The following SH2D7 variants were observed in gnomAD, a reference collection of about 807,000 sequenced individuals.
SH2D7 encodes SH2 domain containing 7.
A neutral mutation model predicts 40.8 loss-of-function variants in SH2D7; 32 were observed. The observed-to-expected ratio is 0.78, with a 90% confidence interval of 0.59 to 1.05. The LOEUF (loss-of-function observed/expected upper bound fraction) is 1.05. SH2D7 is among the 50% of genes least tolerant of loss of function. The pLI is 0.00. For missense variants in SH2D7, 559 were observed against 566.6 expected (o/e 0.99, Z 0.14); for synonymous variants, 195 against 221.5 (o/e 0.88, Z 1.06).
intron 1 of SH2D7, among the ~76,000 whole-genome samples, chr15:78,093,332 G>A (rs2073950913): frequency 6.6e-6 from 1 of 152,220 alleles, no homozygotes; most frequent in Non-Finnish European, 1.5e-5. Context: ...GCAGCACAGG[G>A]TCAAAAGGGC....
At chr15:78,090,602 G>C (rs1329043576), upstream of SH2D7, among the ~76,000 whole-genome samples, 1 of 149,544 alleles carries the variant, frequency 6.7e-6, no homozygotes, top group Admixed American at 6.8e-5. Context: ...CAGACCTTCT[G>C]TATTTCAGAA....
chr15:78,093,516 C>T (rs748479197), intron 1 of SH2D7, among the ~76,000 whole-genome samples: 21 of 152,248 alleles, frequency 1.4e-4, no homozygotes, highest in Non-Finnish European at 2.5e-4. Flanking sequence ...GGTCTGTGTA[C>T]TGCCAAACCA....
chr15:78,101,677 C>A, intron 5 of SH2D7, 119 bp downstream of exon 5: 1 of 1,182,128 alleles, frequency 8.5e-7, no homozygotes, highest in Non-Finnish European at 1.1e-6. Flanking sequence ...TGGAAGTACA[C>A]AGAATTTTCC....
chr15:78,098,234 T>C (rs2073986918), intron 3 of SH2D7, 140 bp downstream of exon 3: 2 of 1,401,006 alleles, frequency 1.4e-6, no homozygotes, highest in Non-Finnish European at 9.6e-7. Context: ...TCATGATCCC[T>C]ATTGGAAAAA....
At chr15:78,100,786 C>T in intron 4 of SH2D7, 113 bp from the exon 5 acceptor site, 1 of 1,158,896 alleles carries the variant, frequency 8.6e-7, no homozygotes, top group Non-Finnish European at 1.2e-6. Flanking sequence ...CATGTACGGG[C>T]AGGAGGACTA....
chr15:78,093,475 GGTGA>G (rs1284429399), intron 1 of SH2D7, among the ~76,000 whole-genome samples: 30 of 152,362 alleles, frequency 2.0e-4, no homozygotes, highest in Admixed American at 1.9e-3. Context: ...CTCGGTATTT[GGTGA>G]GTAAGTGAGT....
At chr15:78,099,163 C>T (rs1269508010) in intron 4 of SH2D7, among the ~76,000 whole-genome samples, 1 of 152,028 alleles carries the variant, frequency 6.6e-6, no homozygotes, top group Non-Finnish European at 1.5e-5. Flanking sequence ...ATTACAGGCA[C>T]CTGCCACCAC....
rs2074015720 is a variant in SH2D7, at chr15:78,101,422, C to T, written c.1169C>T (p.Pro390Leu). 2 of 1,613,406 alleles carry T rather than the reference C, an allele frequency of 1.2e-6. No homozygotes were observed. The highest frequency in any genetic ancestry group is 1.7e-6 in the Non-Finnish European group (2 of 1,179,670). The stretch of plus-strand genomic sequence containing the variant: ...GGTGGCCCAGCCAGGGCCCCACATC[C>T]TGGGGCCAGTCCCACATATAGCCCA... ...CWGGPARAPH[P>L]GASPTYSPWV... The change falls in exon 5 of 6, where the codon CCT becomes CTT. Residue 390 changes from proline to leucine, a missense_variant. Physicochemically the swap from Pro to Leu is moderately conservative, Grantham distance 98 (BLOSUM62 -3). Coordinates refer to ENST00000328828, the MANE Select transcript of SH2D7 (RefSeq NM_001101404.2).
At position 78,101,533 on chromosome 15, in the gene SH2D7, G is replaced by A. The variant is rs376103989; in HGVS notation, c.1280G>A (p.Ser427Asn). Residue 427 changes from serine (S) to asparagine (N), a missense_variant, in exon 5 of 6, where the codon AGC (serine) becomes AAC (asparagine). Transcript: ENST00000328828. Reference sequence around the variant, plus strand: ...TATGAACAGATCCCAGCAACCAAGAGCAAGGAGACTGGACGGACACACAAG... The same window carrying A: ...TATGAACAGATCCCAGCAACCAAGAACAAGGAGACTGGACGGACACACAAG... ...NTYEQIPATK[S>N]KETGRTHKPD... is the part of the protein sequence containing the mutation. 7.5e-6 allele frequency: 12 copies of A among 1,600,400 alleles called. No individual in the cohort carries two copies. The highest frequency in any genetic ancestry group is 9.4e-6 in the Non-Finnish European group (11 of 1,174,274).
At chr15:78,092,450 A>C (rs1176651361), upstream of SH2D7, 9 of 973,406 alleles carry the variant, frequency 9.2e-6, no homozygotes, top group Non-Finnish European at 1.3e-5. Flanking sequence ...CCACCAGCCC[A>C]GAGGTGACAA....
At chr15:78,102,172 G>A (rs1441687706) in intron 5 of SH2D7, among the ~76,000 whole-genome samples, 1 of 152,060 alleles carries the variant, frequency 6.6e-6, no homozygotes, top group Admixed American at 6.5e-5. Flanking sequence ...GCTTGAACCT[G>A]GGAGGTTAAA....
chr15:78,100,991 G>A lies in SH2D7; in HGVS notation c.738G>A (p.Leu246=), dbSNP rs771602012. ...GGPSDIIYAD[L]RRMNQARLGL... Reference sequence around the variant, plus strand: ...CCAGTGACATCATCTATGCAGACCTGAGGAGGATGAACCAGGCACGGCTAG... The same window carrying A: ...CCAGTGACATCATCTATGCAGACCTAAGGAGGATGAACCAGGCACGGCTAG... Residue 246 remains leucine, a synonymous_variant, in exon 5 of 6, where the codon CTG becomes CTA. Coordinates refer to ENST00000328828, the MANE Select transcript of SH2D7 (RefSeq NM_001101404.2). 6.2e-6 allele frequency: 10 copies of A among 1,613,888 alleles called. No homozygotes were observed. The highest frequency in any genetic ancestry group is 8.5e-6 in the Non-Finnish European group (10 of 1,179,884).
chr15:78,093,712 T>C (rs887522995), intron 1 of SH2D7, among the ~76,000 whole-genome samples: 3 of 152,222 alleles, frequency 2.0e-5, no homozygotes, highest in African/African-American at 7.2e-5. Context: ...CTGTACACAG[T>C]GGTTCTGAGG....
At chr15:78,097,748 G>A (rs2073982121) in intron 2 of SH2D7, among the ~76,000 whole-genome samples, 181 bp from the exon 3 acceptor site, 1 of 152,156 alleles carries the variant, frequency 6.6e-6, no homozygotes, top group East Asian at 1.9e-4. Context: ...AAACCTCTCC[G>A]TAGCTTCCTG....
At chr15:78,099,296 A>C (rs1465536135) in intron 4 of SH2D7, among the ~76,000 whole-genome samples, 1 of 151,430 alleles carries the variant, frequency 6.6e-6, no homozygotes, top group East Asian at 1.9e-4. Flanking sequence ...TACAGGCATG[A>C]GCCACTGTGC....
chr15:78,096,368 G>A (rs1029286976), intron 2 of SH2D7, among the ~76,000 whole-genome samples: 1 of 152,022 alleles, frequency 6.6e-6, no homozygotes, highest in African/African-American at 2.4e-5. Flanking sequence ...AAACCCAGAA[G>A]GCCCATAAGC....
chr15:78,101,400 G>C lies in SH2D7; in HGVS notation c.1147G>C (p.Gly383Arg). The change falls in exon 5 of 6, where the codon GGC becomes CGC. Residue 383 changes from glycine to arginine, a missense_variant. Coordinates refer to ENST00000328828, the MANE Select transcript of SH2D7 (RefSeq NM_001101404.2). ...TGAGCAGATCCCAGCTTGCTGGGGT[G>C]GCCCAGCCAGGGCCCCACATCCTGG... is the stretch of plus-strand genomic sequence containing the variant. Reference protein sequence around the residue: ...TYEQIPACWGGPARAPHPGAS... With the variant: ...TYEQIPACWGRPARAPHPGAS... The C allele has an allele frequency of 6.2e-7, 1 of 1,613,464 alleles. No homozygotes were observed. Among genetic ancestry groups the C allele is most frequent in the Non-Finnish European group, 8.5e-7 (1 of 1,179,704 alleles).
chr15:78,102,994 T>C (rs955557065), intron 5 of SH2D7, among the ~76,000 whole-genome samples: 1 of 151,928 alleles, frequency 6.6e-6, no homozygotes, highest in Non-Finnish European at 1.5e-5. Flanking sequence ...GCCTTTGAGA[T>C]CCTCACTCTC....
At chr15:78,101,914 A>G (rs1291759568) in intron 5 of SH2D7, among the ~76,000 whole-genome samples, 1 of 152,166 alleles carries the variant, frequency 6.6e-6, no homozygotes, top group East Asian at 1.9e-4. Flanking sequence ...TGGGCAAGAC[A>G]AATTCCAGGA....
Sources: gnomAD v4.1 joint callset for allele counts (sites outside exome capture counted in the v4.1 genomes callset) on GRCh38, gnomAD v4.1.1 for gene constraint, MANE v1.5 for transcripts, NCBI Gene and HGNC (gene_info 2026-07-23, HGNC 2026-07-21) for gene names.